The following BICD1 variants were observed in gnomAD, a reference collection of about 807,000 sequenced individuals.
BICD1 encodes BICD cargo adaptor 1.
A neutral mutation model predicts 92.5 loss-of-function variants in BICD1; 35 were observed. The ratio of observed to expected loss-of-function variants is 0.38; its 90% CI spans 0.29 to 0.50. The LOEUF is 0.50. Ranked by LOEUF, BICD1 falls within the 20% of genes least tolerant of loss-of-function variation. BICD1 has a pLI of 0.93. For missense variants in BICD1, 950 were observed against 1,189.8 expected, an observed-to-expected ratio of 0.80 and a Z score of 2.97; for synonymous variants, 429 against 465.1, an observed-to-expected ratio of 0.92 and a Z score of 1.00.
At position 32,378,242 on chromosome 12, in the gene BICD1, A is replaced by C. The variant is rs1316510657; in HGVS notation, c.*615A>C. ...AAATGAGGTGCATCAGAATGTTAACAATAACTGTATTTTGCTGCTACGCTG... is the reference window on the plus strand; with the variant it reads ...AAATGAGGTGCATCAGAATGTTAACCATAACTGTATTTTGCTGCTACGCTG... On this transcript the variant is annotated 3_prime_UTR_variant, in exon 10 of 10. Transcript: ENST00000652176. The C allele has an allele frequency of 2.0e-5, 3 of 152,312 alleles. No homozygotes were observed. Among genetic ancestry groups the C allele is most frequent in the Admixed American group, 2.0e-4 (3 of 15,284 alleles). 9.4% of individuals were successfully genotyped at this position (152,312 alleles called of 1,614,324 possible).
intron 1 of BICD1, among the ~76,000 whole-genome samples, chr12:32,142,943 A>T (rs1942992280): frequency 6.6e-6 from 1 of 152,186 alleles, no homozygotes; most frequent in African/African-American, 2.4e-5. Flanking sequence ...TTAACTATGG[A>T]GATCCTGGTG....
chr12:32,156,022 T>A (rs1943426146), intron 1 of BICD1, among the ~76,000 whole-genome samples: 1 of 152,112 alleles, frequency 6.6e-6, no homozygotes, highest in South Asian at 2.1e-4. Flanking sequence ...TACAATGGAG[T>A]GAGGTCTTGA....
rs373622325 is a variant in BICD1 at position 32,179,900 on chromosome 12, G to A, written c.214-36347G>A. Among the ~76,000 whole-genome samples the A allele has an allele frequency of 2.7e-5, 4 of 147,836 alleles. No homozygotes were observed. The East Asian group carries it at 8.0e-4, about 30-fold the overall frequency. ...AGCTACTCAGGAGGCTGAGGCAGGA[G>A]AATTTCTTGAACCCAGGAGGCAAAG... On this transcript the variant is annotated intron_variant, in intron 1 of 9. Transcript: ENST00000652176.
At chr12:32,271,324 G>T (rs1225464500) in intron 2 of BICD1, among the ~76,000 whole-genome samples, 4 of 152,134 alleles carry the variant, frequency 2.6e-5, no homozygotes, top group Non-Finnish European at 4.4e-5. Context: ...CTTTGATTTT[G>T]TGAAAGAAAA....
chr12:32,215,623 C>G (rs1472878721), intron 1 of BICD1, among the ~76,000 whole-genome samples: 1 of 151,972 alleles, frequency 6.6e-6, no homozygotes, highest in African/African-American at 2.4e-5. Flanking sequence ...CTTATTAACA[C>G]TGAACTATTT....
At chr12:32,320,730 T>C (rs1948633399) in intron 4 of BICD1, among the ~76,000 whole-genome samples, 1 of 152,066 alleles carries the variant, frequency 6.6e-6, no homozygotes, top group African/African-American at 2.4e-5. Context: ...ATGACAATAG[T>C]AAACATATGT....
chr12:32,158,578 A>T (rs1943512631), intron 1 of BICD1, among the ~76,000 whole-genome samples: 1 of 152,170 alleles, frequency 6.6e-6, no homozygotes, highest in Non-Finnish European at 1.5e-5. Flanking sequence ...TTTTCTTGGA[A>T]CTCTGAAGGT....
chr12:32,130,557 T>TG (rs1942506595), intron 1 of BICD1, among the ~76,000 whole-genome samples: 1 of 152,204 alleles, frequency 6.6e-6, no homozygotes, highest in African/African-American at 2.4e-5. Flanking sequence ...TGTGAATTGC[T>TG]GTGAACTTTG....
intron 1 of BICD1, among the ~76,000 whole-genome samples, chr12:32,145,848 A>G (rs889410928): frequency 5.3e-5 from 8 of 152,242 alleles, no homozygotes; most frequent in Non-Finnish European, 1.0e-4. Context: ...ATTCTTGTAC[A>G]TAAATAATTC....
chr12:32,359,065 T>C (rs1441341563), intron 8 of BICD1, among the ~76,000 whole-genome samples: 1 of 152,208 alleles, frequency 6.6e-6, no homozygotes, highest in Non-Finnish European at 1.5e-5. Flanking sequence ...TAAAAGAGGA[T>C]GTCTCTGTGC....
chr12:32,141,781 C>G (rs1592364668), intron 1 of BICD1, among the ~76,000 whole-genome samples: 2 of 152,182 alleles, frequency 1.3e-5, no homozygotes, highest in East Asian at 3.9e-4. Flanking sequence ...GCCTGGACAC[C>G]CATTTTGAAT....
At chr12:32,276,186 G>A (rs1393881846) in intron 2 of BICD1, among the ~76,000 whole-genome samples, 3 of 152,060 alleles carry the variant, frequency 2.0e-5, no homozygotes, top group Non-Finnish European at 4.4e-5. Flanking sequence ...CCCCTGGACC[G>A]GCCTGCTAGC....
At chr12:32,224,027 A>G (rs1246966737) in intron 2 of BICD1, among the ~76,000 whole-genome samples, 1 of 152,264 alleles carries the variant, frequency 6.6e-6, no homozygotes, top group African/African-American at 2.4e-5. Flanking sequence ...AATGTGACAC[A>G]GACACACAAA....
chr12:32,273,679 C>G (rs1466764685), intron 2 of BICD1, among the ~76,000 whole-genome samples: 1 of 152,214 alleles, frequency 6.6e-6, no homozygotes. Context: ...GTAGAAATCA[C>G]TAGCTAGTCC....
intron 4 of BICD1, among the ~76,000 whole-genome samples, chr12:32,320,770 C>T (rs1948634664): frequency 6.6e-6 from 1 of 152,066 alleles, no homozygotes; most frequent in Non-Finnish European, 1.5e-5. Context: ...AAACAGTTCA[C>T]AAATACTGAA....
chr12:32,261,150 T>C lies in BICD1; in HGVS notation c.427-32844T>C, dbSNP rs551333858. ...GGCCCAAGCTCATGATTTCACAGGA[T>C]TGATTCCTCCATCTCACTGATCATT... On this transcript the variant is annotated intron_variant, in intron 2 of 9. Transcript: ENST00000652176. Among the ~76,000 whole-genome samples the C allele has an allele frequency of 2.6e-5, 4 of 152,284 alleles. No individual in the cohort carries two copies. In the South Asian group the frequency reaches 8.3e-4, roughly 32 times the overall value.
At chr12:32,209,628 TG>T (rs1945155988) in intron 1 of BICD1, among the ~76,000 whole-genome samples, 1 of 152,216 alleles carries the variant, frequency 6.6e-6, no homozygotes, top group Non-Finnish European at 1.5e-5. Context: ...TAGAAGAGAC[TG>T]TAAAGAACTG....
intron 2 of BICD1, among the ~76,000 whole-genome samples, chr12:32,250,059 G>T (rs915206799): frequency 1.3e-5 from 2 of 151,942 alleles, no homozygotes; most frequent in African/African-American, 2.4e-5. Context: ...GTTAATTCCA[G>T]CACCCTAGAT....
At position 32,153,322 on chromosome 12, in the gene BICD1, G is replaced by A. The variant is rs146792976; in HGVS notation, c.213+45778G>A. On this transcript the variant is annotated intron_variant, in intron 1 of 9. Coordinates refer to ENST00000652176, the MANE Select transcript of BICD1 (RefSeq NM_001714.4). ...TTCTTTATCCAAGCCACTGTTGATG[G>A]GAACCTAAATTGATTCTGTGTCTTT... 1.9e-3 allele frequency among the ~76,000 whole-genome samples: 283 copies of A among 152,208 alleles called. 1 individual carries two copies. Among genetic ancestry groups the A allele is most frequent in the African/African-American group, 6.4e-3 (265 of 41,538 alleles).
Sources: gnomAD v4.1 joint callset for allele counts (sites outside exome capture counted in the v4.1 genomes callset) on GRCh38, gnomAD v4.1.1 for gene constraint, MANE v1.5 for transcripts, NCBI Gene and HGNC (gene_info 2026-07-23, HGNC 2026-07-21) for gene names.